Variants in INVS observed in about 807,000 individuals in gnomAD.
The protein encoded by INVS is inversion of embryo turning homolog.
INVS carries 86 observed loss-of-function variants against 108.8 expected under a neutral mutation model. The ratio of observed to expected loss-of-function variants is 0.79; its 90% CI spans 0.66 to 0.95. INVS has a LOEUF of 0.95. Ranked by LOEUF, INVS falls within the 40% of genes least tolerant of loss-of-function variation. INVS has a pLI of 0.00. For synonymous variants in INVS, 455 were observed against 473.5 expected (o/e 0.96, Z 0.51); for missense variants, 1,169 against 1,297.4 (o/e 0.90, Z 1.52).
chr9:100,254,816 G>A (rs1832361468), intron 10 of INVS, among the ~76,000 whole-genome samples: 1 of 152,158 alleles, frequency 6.6e-6, no homozygotes, highest in African/African-American at 2.4e-5. Context: ...TTTGGTTACT[G>A]TAGCCTTATA....
intron 1 of INVS, among the ~76,000 whole-genome samples, chr9:100,102,310 G>C (rs939142363): frequency 1.2e-4 from 18 of 152,048 alleles, no homozygotes; most frequent in African/African-American, 4.3e-4. Context: ...TATTGGTCAG[G>C]CTGGTCTCTC....
At chr9:100,153,957 C>A (rs1828886265) in intron 3 of INVS, among the ~76,000 whole-genome samples, 1 of 152,174 alleles carries the variant, frequency 6.6e-6, no homozygotes, top group Non-Finnish European at 1.5e-5. Flanking sequence ...TTTGGAGGGA[C>A]ATTCAAACCA....
At chr9:100,139,754 T>C (rs748357207) in intron 3 of INVS, among the ~76,000 whole-genome samples, 1 of 152,186 alleles carries the variant, frequency 6.6e-6, no homozygotes, top group African/African-American at 2.4e-5. Flanking sequence ...GTGATCCTCC[T>C]GCCTCAGCCC....
chr9:100,225,826 A>G (rs1276995447), intron 3 of INVS, among the ~76,000 whole-genome samples: 2 of 152,216 alleles, frequency 1.3e-5, no homozygotes, highest in African/African-American at 2.4e-5. Flanking sequence ...TTTATTTGCA[A>G]TAAAATATTG....
At chr9:100,160,820 T>TG (rs899951456) in intron 3 of INVS, among the ~76,000 whole-genome samples, 3 of 152,092 alleles carry the variant, frequency 2.0e-5, no homozygotes, top group Non-Finnish European at 4.4e-5. Flanking sequence ...CCGGGCATGG[T>TG]GGTGGGCACC....
Position 100,292,587 on chromosome 9 carries a change from G to T in INVS, c.2330G>T (p.Ser777Ile). 1 of 1,614,200 alleles carries T rather than the reference G, an allele frequency of 6.2e-7. No homozygotes were observed. The highest frequency in any genetic ancestry group is 1.1e-5 in the South Asian group (1 of 91,084). ...CCGCACGATAGCCACTGGAAGCCCA[G>T]CAGGCGGCATGACACAGAACCCAAG... is the stretch of plus-strand genomic sequence containing the variant. ...LPPHDSHWKPSRRHDTEPKAK... is the reference protein window; with the variant it reads ...LPPHDSHWKPIRRHDTEPKAK... Residue 777 changes from serine to isoleucine, a missense_variant, in exon 14 of 17, where the codon AGC (serine) becomes ATC (isoleucine). Physicochemically the swap from Ser to Ile is moderately radical, Grantham distance 142. Coordinates refer to ENST00000262457, the MANE Select transcript of INVS (RefSeq NM_014425.5).
chr9:100,292,439 G>A lies in INVS; in HGVS notation c.2182G>A (p.Glu728Lys). The A allele has an allele frequency of 1.9e-6, 3 of 1,614,184 alleles. No individual in the cohort carries two copies. Among genetic ancestry groups the A allele is most frequent in the Non-Finnish European group, 2.5e-6 (3 of 1,180,036 alleles). ...GVPSVEKSRG[E>K]TAGDERCAKG... ...TCCCTCTGTTGAGAAGTCCAGAGGT[G>A]AGACAGCTGGCGATGAGCGGTGTGC... is the stretch of plus-strand genomic sequence containing the variant. Residue 728 changes from glutamate (E) to lysine (K), a missense_variant, in exon 14 of 17, where the codon GAG (glutamate) becomes AAG (lysine). This residue lies in a region of INVS where 533 missense variants were observed against 536.0 expected (regional missense o/e 0.99). Coordinates refer to ENST00000262457, the MANE Select transcript of INVS (RefSeq NM_014425.5).
In INVS at chr9:100,240,095, A is replaced by G; in HGVS notation, c.651A>G (p.Gln217=). The part of the protein sequence containing the change: ...AAPTESLLNW[Q]DYEGRTPLHF... Reference sequence around the variant, plus strand: ...CAACAGAGTCTTTACTGAACTGGCAAGACTACGAGGGTCGAACTCCTCTTC... The same window carrying G: ...CAACAGAGTCTTTACTGAACTGGCAGGACTACGAGGGTCGAACTCCTCTTC... Residue 217 remains glutamine (Q), a synonymous_variant, in exon 6 of 17, where the codon CAA becomes CAG. Coordinates refer to ENST00000262457, the MANE Select transcript of INVS (RefSeq NM_014425.5). 1 of 1,614,200 alleles carries G rather than the reference A, an allele frequency of 6.2e-7. No individual in the cohort carries two copies. Among genetic ancestry groups the G allele is most frequent in the East Asian group, 2.2e-5 (1 of 44,882 alleles).
chr9:100,300,492 C>A lies in INVS; in HGVS notation c.3092-76C>A, dbSNP rs570026187. 7.8e-6 allele frequency: 8 copies of A among 1,030,452 alleles called. No individual in the cohort carries two copies. The South Asian group carries it at 1.0e-4, about 14-fold the overall frequency. 63.8% of individuals were successfully genotyped at this position (1,030,452 alleles called of 1,614,324 possible). ...ATAGCCTAAACCGAAATCCTTCTTC[C>A]TCAACACCAATGAACTATTCCCTTC... On this transcript the variant is annotated intron_variant, in intron 16 of 16. Transcript: ENST00000262457.
intron 3 of INVS, among the ~76,000 whole-genome samples, chr9:100,143,970 C>T (rs982509740): frequency 2.0e-5 from 3 of 152,080 alleles, no homozygotes; most frequent in East Asian, 1.9e-4. Context: ...GCTGCTAAGC[C>T]GAGAAGATCT....
rs1020142709 is a variant in INVS, at chr9:100,227,818, T to C, written c.447+1583T>C. ...TGCCCAGCAACTGCCTGTCCAACCT[T>C]GCACTGGCATTATCTTTGTTATCGA... On this transcript the variant is annotated intron_variant, in intron 4 of 16. Coordinates refer to ENST00000262457, the MANE Select transcript of INVS (RefSeq NM_014425.5). 3.3e-5 allele frequency among the ~76,000 whole-genome samples: 5 copies of C among 152,284 alleles called. No individual in the cohort carries two copies. The Middle Eastern group carries it at 0.01, about 311-fold the overall frequency.
chr9:100,175,772 G>A (rs1266034846), intron 3 of INVS: 4 of 635,732 alleles, frequency 6.3e-6, no homozygotes, highest in African/African-American at 1.8e-5. Context: ...ACCAGACCTG[G>A]AACATCCAGT....
chr9:100,103,492 A>G (rs1328719060), intron 1 of INVS, among the ~76,000 whole-genome samples: 1 of 151,864 alleles, frequency 6.6e-6, no homozygotes, highest in Non-Finnish European at 1.5e-5. Flanking sequence ...GCCGGTCGTG[A>G]TGGCAGGTGC....
At chr9:100,263,595 T>G (rs1191141342) in intron 10 of INVS, among the ~76,000 whole-genome samples, 3 of 152,184 alleles carry the variant, frequency 2.0e-5, no homozygotes, top group Non-Finnish European at 2.9e-5. Context: ...ACCCAGATAA[T>G]CCAGGATAAT....
chr9:100,195,662 A>G (rs1830351746), intron 3 of INVS, among the ~76,000 whole-genome samples: 1 of 151,788 alleles, frequency 6.6e-6, no homozygotes, highest in Non-Finnish European at 1.5e-5. Context: ...TAATTTTTGT[A>G]TTTTTAGTAG....
chr9:100,225,218 C>T (rs539235321), intron 3 of INVS, among the ~76,000 whole-genome samples: 1 of 150,946 alleles, frequency 6.6e-6, no homozygotes, highest in Non-Finnish European at 1.5e-5. Flanking sequence ...CCACCACGCC[C>T]GGCTAATTTT....
rs573391917 is a variant in INVS, at chr9:100,145,959, C to T, written c.273+19410C>T. On this transcript the variant is annotated intron_variant, in intron 3 of 16. Transcript: ENST00000262457. ...GGTTGGAGAAGAGATTAAGAAGAGGCGGCTTACCTGATTTAAAATTGGTGA... is the reference window on the plus strand; with the variant it reads ...GGTTGGAGAAGAGATTAAGAAGAGGTGGCTTACCTGATTTAAAATTGGTGA... Among the ~76,000 whole-genome samples the T allele has an allele frequency of 1.5e-3, 228 of 152,240 alleles. 4 individuals carry two copies. The highest frequency in any genetic ancestry group is 6.8e-3 in the Middle Eastern group (2 of 294).
chr9:100,159,083 A>T (rs1168514579), intron 3 of INVS, among the ~76,000 whole-genome samples: 1 of 152,220 alleles, frequency 6.6e-6, no homozygotes, highest in Non-Finnish European at 1.5e-5. Flanking sequence ...TAAGCCAAAT[A>T]AACCTGTTTT....
intron 5 of INVS, among the ~76,000 whole-genome samples, chr9:100,232,635 G>A (rs1304450329): frequency 6.6e-6 from 1 of 152,092 alleles, no homozygotes; most frequent in East Asian, 1.9e-4. Flanking sequence ...GCTTGTTTTT[G>A]TCAGCTTTGT....
Sources: gnomAD v4.1 joint callset for allele counts (sites outside exome capture counted in the v4.1 genomes callset) on GRCh38, gnomAD v4.1.1 for gene constraint, gnomAD v4.1.1 regional missense constraint, MANE v1.5 for transcripts, NCBI Gene and HGNC (gene_info 2026-07-23, HGNC 2026-07-21) for gene names.